The following H2BC4 variants were observed in gnomAD, a reference collection of about 807,000 sequenced individuals.
H2BC4 encodes the protein H2B clustered histone 4.
Under a neutral mutation model 6.2 loss-of-function variants are expected in H2BC4, and 10 were observed. That is an observed-to-expected ratio of 1.61 (90% CI 0.99 to 2.73). H2BC4 has a LOEUF of 2.73. H2BC4 is among the 30% of genes most tolerant of loss of function. The probability of loss-of-function intolerance (pLI) is 0.00; values close to 1 mark genes in which losing one functional copy is unlikely to be tolerated. For missense variants in H2BC4, 176 were observed against 168.7 expected (o/e 1.04, Z -0.24); for synonymous variants, 146 against 70.7 (o/e 2.07, Z -5.35).
chr6:26,122,985 C>G (rs985722239), downstream of H2BC4, among the ~76,000 whole-genome samples: 2 of 152,156 alleles, frequency 1.3e-5, no homozygotes, highest in Admixed American at 6.5e-5. Flanking sequence ...CAGTATACTA[C>G]GAAGGTGTGC....
At chr6:26,123,429 A>C (rs181595196), downstream of H2BC4, 2 of 1,557,674 alleles carry the variant, frequency 1.3e-6, no homozygotes, top group East Asian at 2.2e-5. Context: ...CCGCCAAATA[A>C]AATTTGGCGT....
chr6:26,123,462 G>T (rs1020771752), downstream of H2BC4: 2 of 1,605,402 alleles, frequency 1.2e-6, no homozygotes, highest in African/African-American at 2.7e-5. Flanking sequence ...CTTTTAGTGG[G>T]TATCTGGGTG....
chr6:26,115,265 G>T (rs567765152), intron 1 of H2BC4: 22 of 152,338 alleles, frequency 1.4e-4, no homozygotes, highest in African/African-American at 5.3e-4. Context: ...GTGCCAGGCA[G>T]TGTTTTAAGC....
intron 1 of H2BC4, among the ~76,000 whole-genome samples, chr6:26,117,795 A>T (rs1330050868): frequency 6.6e-6 from 1 of 152,238 alleles, no homozygotes; most frequent in Non-Finnish European, 1.5e-5. Context: ...GGGAGAAAAA[A>T]ACTACAAACT....
downstream of H2BC4, among the ~76,000 whole-genome samples, chr6:26,120,526 G>A (rs964861051): frequency 5.3e-5 from 8 of 152,070 alleles, no homozygotes; most frequent in South Asian, 1.7e-3. Flanking sequence ...AATTTAAAGT[G>A]GGTAAAAACA....
downstream of H2BC4, among the ~76,000 whole-genome samples, chr6:26,121,017 A>C (rs1444182947): frequency 6.6e-6 from 1 of 152,204 alleles, no homozygotes; most frequent in African/African-American, 2.4e-5. Flanking sequence ...TATTCATATC[A>C]TCTTAACACA....
downstream of H2BC4, chr6:26,123,374 C>CTTG: frequency 1.5e-6 from 2 of 1,359,202 alleles, no homozygotes; most frequent in Non-Finnish European, 2.0e-6. Flanking sequence ...AGCTGCAACA[C>CTTG]TTGTCCCCAC....
At position 26,123,822 on chromosome 6, in the gene H2BC4, T is replaced by C. The variant is rs763148754; in HGVS notation, c.83A>G (p.Lys28Arg). 3.1e-6 allele frequency: 5 copies of C among 1,614,262 alleles called. No homozygotes were observed. In the South Asian group the frequency reaches 4.4e-5, roughly 14 times the overall value. Residue 28 changes from lysine to arginine, a missense_variant, in exon 1 of 1, where the codon AAG (lysine) becomes AGG (arginine). Physicochemically the swap from Lys to Arg is conservative, Grantham distance 26. Coordinates refer to ENST00000396984, the MANE Select transcript of H2BC4 (RefSeq NM_003526.3). The part of the protein sequence containing the change: ...AVTKAQKKDG[K>R]KRKRSRKESY... Reference sequence around the variant, plus strand: ...CTCCTTGCGGCTGCGCTTGCGCTTCTTGCCATCTTTCTTCTGCGCTTTGGT... The same window carrying C: ...CTCCTTGCGGCTGCGCTTGCGCTTCCTGCCATCTTTCTTCTGCGCTTTGGT...
At chr6:26,114,049 T>C (rs1260776024), downstream of H2BC4, among the ~76,000 whole-genome samples, 4 of 152,108 alleles carry the variant, frequency 2.6e-5, no homozygotes, top group Non-Finnish European at 5.9e-5. Flanking sequence ...CTTCAATATA[T>C]GAATTTGGGG....
downstream of H2BC4, chr6:26,114,859 TATAAA>T (rs986232415): frequency 6.6e-6 from 1 of 151,946 alleles, no homozygotes; most frequent in Non-Finnish European, 1.5e-5. Flanking sequence ...ATAATATACA[TATAAA>T]AAGAATAGGA....
At chr6:26,121,958 C>T (rs1055786975), downstream of H2BC4, among the ~76,000 whole-genome samples, 1 of 150,126 alleles carries the variant, frequency 6.7e-6, no homozygotes. Context: ...GAGGCTGAGG[C>T]AGGAGAATGG....
downstream of H2BC4, among the ~76,000 whole-genome samples, chr6:26,119,437 TA>T (rs1313536651): frequency 6.6e-6 from 1 of 152,338 alleles, no homozygotes; most frequent in Middle Eastern, 3.4e-3. Context: ...TTACTCAATT[TA>T]ATAATATTCA....
chr6:26,120,882 A>G (rs1035775976), downstream of H2BC4, among the ~76,000 whole-genome samples: 1 of 152,224 alleles, frequency 6.6e-6, no homozygotes, highest in Non-Finnish European at 1.5e-5. Flanking sequence ...ATTAATAATA[A>G]GCTGTAGAGC....
chr6:26,117,122 AT>A (rs1429673580), intron 1 of H2BC4, among the ~76,000 whole-genome samples: 1 of 152,068 alleles, frequency 6.6e-6, no homozygotes, highest in Non-Finnish European at 1.5e-5. Flanking sequence ...AAAAAAGTGT[AT>A]TTTTTCTCAA....
chr6:26,123,386 C>A (rs994450319), downstream of H2BC4: 2 of 1,411,384 alleles, frequency 1.4e-6, no homozygotes, highest in African/African-American at 1.4e-5. Flanking sequence ...TGTCCCCACC[C>A]CTCTCCAGTT....
chr6:26,123,486 C>T lies in H2BC4; in HGVS notation c.*38G>A, dbSNP rs775000741. 3.1e-6 allele frequency: 5 copies of T among 1,613,180 alleles called. No individual in the cohort carries two copies. The East Asian group carries it at 1.1e-4, about 36-fold the overall frequency. ...GGTATCTGGGTGGCTCTTAAAAGAG[C>T]CTTTGGGGTTAGGTGTTAAGACGCT... On this transcript the variant is annotated 3_prime_UTR_variant, in exon 1 of 1. Coordinates refer to ENST00000396984, the MANE Select transcript of H2BC4 (RefSeq NM_003526.3).
At chr6:26,114,668 A>G (rs1763397349), downstream of H2BC4, among the ~76,000 whole-genome samples, 1 of 152,052 alleles carries the variant, frequency 6.6e-6, no homozygotes, top group African/African-American at 2.4e-5. Context: ...AATATAATGC[A>G]TAAAAATGGG....
downstream of H2BC4, chr6:26,123,212 G>T (rs1158251015): frequency 7.1e-6 from 3 of 423,588 alleles, no homozygotes; most frequent in Admixed American, 4.2e-5. Context: ...AGCTGGGTCT[G>T]AAACCTAAGC....
Position 26,123,820 on chromosome 6 carries a change from T to TA in H2BC4, c.84_85insT (p.Lys29Ter). 6.2e-7 allele frequency: 1 copy of TA among 1,614,270 alleles called. No individual in the cohort carries two copies. Among genetic ancestry groups the TA allele is most frequent in the Non-Finnish European group, 8.5e-7 (1 of 1,180,052 alleles). On this transcript the variant is annotated frameshift_variant, in exon 1 of 1. Coordinates refer to ENST00000396984, the MANE Select transcript of H2BC4 (RefSeq NM_003526.3). LOFTEE classifies it high-confidence loss of function. ...CTCTCCTTGCGGCTGCGCTTGCGCTTCTTGCCATCTTTCTTCTGCGCTTTG... is the reference window on the plus strand; with the variant it reads ...CTCTCCTTGCGGCTGCGCTTGCGCTTACTTGCCATCTTTCTTCTGCGCTTTG...
Sources: allele counts gnomAD v4.1 joint callset (sites outside exome capture counted in the v4.1 genomes callset), GRCh38; gene constraint gnomAD v4.1.1; transcripts MANE v1.5; gene names NCBI Gene and HGNC (gene_info 2026-07-23, HGNC 2026-07-21).